Variants in COL22A1 observed in about 807,000 individuals in gnomAD.
COL22A1 encodes collagen alpha-1(XXII) chain.
In COL22A1, 221 loss-of-function variants were observed where a neutral mutation model predicts 248.9. That is an observed-to-expected ratio of 0.89 (90% CI 0.80 to 0.99). The LOEUF is 0.99. COL22A1 is among the 50% of genes least tolerant of loss of function. The pLI is 0.00. For synonymous variants in COL22A1, 891 were observed against 793.4 expected, an observed-to-expected ratio of 1.12 and a Z score of -2.07; for missense variants, 2,240 against 2,179.0, an observed-to-expected ratio of 1.03 and a Z score of -0.56.
At chr8:138,822,804 G>A (rs1011946431) in intron 6 of COL22A1, among the ~76,000 whole-genome samples, 12 of 152,000 alleles carry the variant, frequency 7.9e-5, no homozygotes, top group African/African-American at 2.9e-4. Flanking sequence ...GAGTGGCTTT[G>A]TCCCTCCATG....
At chr8:138,781,225 G>A (rs1814961671) in intron 12 of COL22A1, among the ~76,000 whole-genome samples, 1 of 152,220 alleles carries the variant, frequency 6.6e-6, no homozygotes, top group Non-Finnish European at 1.5e-5. Flanking sequence ...AGATCTGTAT[G>A]CACCTGATGT....
chr8:138,734,294 A>G (rs778876019), intron 23 of COL22A1, among the ~76,000 whole-genome samples: 2 of 152,238 alleles, frequency 1.3e-5, no homozygotes, highest in African/African-American at 4.8e-5. Context: ...TTTCTGGCCC[A>G]TTAATGTACG....
chr8:138,905,783 A>G (rs1359010547), intron 1 of COL22A1, among the ~76,000 whole-genome samples: 2 of 151,974 alleles, frequency 1.3e-5, no homozygotes, highest in South Asian at 2.1e-4. Context: ...GCCTCTCTCA[A>G]CCTGATCCCT....
At chr8:138,721,269 T>C (rs762761422) in intron 26 of COL22A1, among the ~76,000 whole-genome samples, 3 of 152,248 alleles carry the variant, frequency 2.0e-5, no homozygotes, top group Admixed American at 6.5e-5. Context: ...TTTCCCGTAA[T>C]ATTCAACAGT....
intron 48 of COL22A1, among the ~76,000 whole-genome samples, chr8:138,636,009 C>T (rs374737745): frequency 1.3e-5 from 2 of 152,170 alleles, no homozygotes; most frequent in East Asian, 3.9e-4. Context: ...ATGGAATTGG[C>T]TGACAATGAG....
chr8:138,784,771 A>C (rs920102986), intron 12 of COL22A1, among the ~76,000 whole-genome samples: 2 of 152,176 alleles, frequency 1.3e-5, no homozygotes, highest in East Asian at 3.9e-4. Flanking sequence ...AAGAGACAGA[A>C]TCATCATCTC....
chr8:138,716,829 T>C lies in COL22A1; in HGVS notation c.2396A>G (p.Glu799Gly), dbSNP rs768319035. The C allele has an allele frequency of 1.2e-6, 2 of 1,609,180 alleles. No homozygotes were observed. Among genetic ancestry groups the C allele is most frequent in the Non-Finnish European group, 1.7e-6 (2 of 1,175,546 alleles). Reference sequence around the variant, plus strand: ...TAAAAGCACAAACAAACAGACCTTCTCTCCAGGTCGGCCTGCCAGGCCCTG... The same window carrying C: ...TAAAAGCACAAACAAACAGACCTTCCCTCCAGGTCGGCCTGCCAGGCCCTG... ...GEQGLAGRPG[E>G]KGEAGLPGAP... is the part of the protein sequence containing the mutation. The change falls in exon 28 of 65, where the codon GAG (glutamate) becomes GGG (glycine). Residue 799 changes from glutamate (E) to glycine (G), a missense_variant. By Grantham distance (98) the Glu-to-Gly change is moderately conservative. Coordinates refer to ENST00000303045, the MANE Select transcript of COL22A1 (RefSeq NM_152888.3).
At chr8:138,715,185 G>C (rs1829330392) in intron 30 of COL22A1, among the ~76,000 whole-genome samples, 1 of 152,174 alleles carries the variant, frequency 6.6e-6, no homozygotes, top group Admixed American at 6.5e-5. Flanking sequence ...AATAAAGTTT[G>C]AGGTTTATGT....
intron 16 of COL22A1, among the ~76,000 whole-genome samples, chr8:138,763,185 T>A (rs2131403075): frequency 6.6e-6 from 1 of 152,184 alleles, no homozygotes; most frequent in South Asian, 2.1e-4. Flanking sequence ...TCAAGAGTTA[T>A]AGACCAGCCT....
At position 138,699,985 on chromosome 8, in the gene COL22A1, T is replaced by A. The variant is rs994214418; in HGVS notation, c.2592+127A>T. 8.1e-6 allele frequency: 7 copies of A among 867,284 alleles called. No homozygotes were observed. In the Admixed American group the frequency reaches 1.0e-4, roughly 13 times the overall value. The allele number at this position is 867,284 out of a possible 1,614,324, so 53.7% of individuals were successfully genotyped here. A position where few individuals can be genotyped will look rare whatever the true frequency, so the allele number is the denominator to read the frequency against. On this transcript the variant is annotated intron_variant, in intron 32 of 64. Coordinates refer to ENST00000303045, the MANE Select transcript of COL22A1 (RefSeq NM_152888.3). ...TTCAGGACAAGCCCAGCAGCCCAGA[T>A]CCCTGACAGTGATGAACGCGATGGG...
intron 45 of COL22A1, among the ~76,000 whole-genome samples, chr8:138,654,726 G>A (rs1441291453): frequency 6.6e-6 from 1 of 152,070 alleles, no homozygotes; most frequent in Non-Finnish European, 1.5e-5. Flanking sequence ...CAACATTGAA[G>A]ACCCCAGGTC....
intron 1 of COL22A1, among the ~76,000 whole-genome samples, chr8:138,902,393 C>A (rs1169895297): frequency 6.6e-6 from 1 of 152,116 alleles, no homozygotes; most frequent in East Asian, 1.9e-4. Context: ...TGTAGGCCTG[C>A]ACTTTTATAC....
intron 35 of COL22A1, among the ~76,000 whole-genome samples, chr8:138,692,180 G>A (rs530112587): frequency 1.1e-4 from 16 of 151,682 alleles, no homozygotes; most frequent in Admixed American, 1.0e-3. Flanking sequence ...GTGTGTGTAT[G>A]TGTGCACGTG....
At chr8:138,655,997 T>A (rs1460845943) in intron 44 of COL22A1, 53 bp from the exon 45 acceptor site, 1 of 1,407,888 alleles carries the variant, frequency 7.1e-7, no homozygotes, top group Non-Finnish European at 1.0e-6. Context: ...ATACAATAAA[T>A]CCCAGGCATC....
intron 52 of COL22A1, 105 bp downstream of exon 52, chr8:138,623,627 G>A (rs1564109690): frequency 2.2e-6 from 2 of 904,122 alleles, no homozygotes; most frequent in South Asian, 1.6e-5. Flanking sequence ...CATAGAAAAT[G>A]CCTATCTTCG....
chr8:138,676,382 C>T (rs967146194), intron 41 of COL22A1, among the ~76,000 whole-genome samples, 176 bp downstream of exon 41: 12 of 49,962 alleles, frequency 2.4e-4, no homozygotes, highest in Non-Finnish European at 3.1e-4. Context: ...GGCAACACTG[C>T]GAGACTCCAT....
chr8:138,728,640 G>A (rs1830496251), intron 23 of COL22A1, among the ~76,000 whole-genome samples: 1 of 151,832 alleles, frequency 6.6e-6, no homozygotes, highest in South Asian at 2.1e-4. Context: ...GCACGTTAGA[G>A]GTGATGGCTC....
intron 63 of COL22A1, 124 bp from the exon 64 acceptor site, chr8:138,591,625 CCT>C (rs1175357526): frequency 2.6e-5 from 15 of 580,524 alleles, no homozygotes; most frequent in Non-Finnish European, 4.3e-5. Flanking sequence ...TCTAAACCAC[CCT>C]GAGCACACAC....
At chr8:138,619,038 T>C (rs62530041) in intron 53 of COL22A1, among the ~76,000 whole-genome samples, 4,318 of 152,296 alleles carry the variant, frequency 0.028, 99 homozygotes, top group African/African-American at 0.056. Context: ...CCATTTTTTG[T>C]ATTCTTTTTC....
Sources: allele counts gnomAD v4.1 joint callset (sites outside exome capture counted in the v4.1 genomes callset), GRCh38; gene constraint gnomAD v4.1.1; transcripts MANE v1.5; gene names NCBI Gene and HGNC (gene_info 2026-07-23, HGNC 2026-07-21).